The following RAB43 variants were observed in gnomAD, a reference collection of about 807,000 sequenced individuals.
RAB43 encodes the protein RAB43, member RAS oncogene family, also known as ras-related protein Rab-43.
RAB43 carries 6 observed loss-of-function variants against 18.8 expected under a neutral mutation model. That is an observed-to-expected ratio of 0.32 (90% confidence interval 0.17 to 0.63). The LOEUF is 0.63. RAB43 is among the 30% of genes least tolerant of loss of function. RAB43 has a pLI of 0.79. For missense variants in RAB43, 195 were observed against 289.1 expected, an observed-to-expected ratio of 0.67 and a Z score of 2.36; for synonymous variants, 103 against 124.1, an observed-to-expected ratio of 0.83 and a Z score of 1.13.
intron 1 of RAB43, among the ~76,000 whole-genome samples, chr3:129,118,317 T>A (rs1430765143): frequency 1.3e-5 from 2 of 152,182 alleles, no homozygotes; most frequent in African/African-American, 4.8e-5. Context: ...TAATGGGAAG[T>A]GGCTACAGAA....
intron 1 of RAB43, among the ~76,000 whole-genome samples, chr3:129,103,110 C>T (rs1307538758): frequency 6.6e-6 from 1 of 152,194 alleles, no homozygotes; most frequent in Non-Finnish European, 1.5e-5. Flanking sequence ...CGCTGGGACT[C>T]GGCCAAGGCA....
intron 1 of RAB43, among the ~76,000 whole-genome samples, chr3:129,113,283 A>G (rs949459442): frequency 2.6e-5 from 4 of 151,452 alleles, no homozygotes; most frequent in African/African-American, 9.7e-5. Flanking sequence ...CTCCTGCCTC[A>G]GCCTCCCGAG....
rs1576857071 is a variant in RAB43, at chr3:129,121,304, G to T, written c.186C>A (p.Ile62=). ...CTCCCACCTTGACCCGCTTGCCCTG[G>T]ATCTCCAGCGTCTTCATGGTGAAGT... ...GVDFTMKTLE[I]QGKRVKLQIW... is the part of the protein sequence containing the mutation. Residue 62 remains isoleucine (I), a synonymous_variant, in exon 1 of 3, where the codon ATC becomes ATA. Coordinates refer to ENST00000315150, the MANE Select transcript of RAB43 (RefSeq NM_198490.3). 6.2e-7 allele frequency: 1 copy of T among 1,607,772 alleles called. No individual in the cohort carries two copies. Among genetic ancestry groups the T allele is most frequent in the Non-Finnish European group, 8.5e-7 (1 of 1,177,432 alleles).
In RAB43 at chr3:129,121,688, GCCCGGCTCGGCCCCGCCCGGA is replaced by G. The variant is rs1935945013; in HGVS notation, c.-220_-200del. The G allele has an allele frequency of 2.8e-6, 1 of 359,068 alleles. No homozygotes were observed. The highest frequency in any genetic ancestry group is 4.9e-5 in the Admixed American group (1 of 20,404). 22.2% of individuals were successfully genotyped at this position (359,068 alleles called of 1,614,324 possible). ...CCCACCCCGGCTGGCTCCCGCCCCG[GCCCGGCTCGGCCCCGCCCGGA>G]CCCGGTGCCCCGCGGGTTCGGCTCC... On this transcript the variant is annotated 5_prime_UTR_variant, in exon 1 of 3. Coordinates refer to ENST00000315150, the MANE Select transcript of RAB43 (RefSeq NM_198490.3).
intron 2 of RAB43, among the ~76,000 whole-genome samples, chr3:129,094,463 C>A (rs1254194561): frequency 6.9e-6 from 1 of 144,684 alleles, no homozygotes; most frequent in Non-Finnish European, 1.5e-5. Context: ...AACTTCAGCT[C>A]TCTTTCTTCT....
rs1933624147 is a variant in RAB43, at chr3:129,091,194, T to C, written c.541A>G (p.Ile181Val). 9 of 1,582,052 alleles carry C rather than the reference T, an allele frequency of 5.7e-6. No individual in the cohort carries two copies. The highest frequency in any genetic ancestry group is 1.8e-5 in the Admixed American group (1 of 56,066). The change falls in exon 3 of 3, where the codon ATC (isoleucine) becomes GTC (valine). Residue 181 changes from isoleucine (I) to valine (V), a missense_variant. Physicochemically the swap from Ile to Val is conservative, Grantham distance 29. Transcript: ENST00000315150. ...AACAAGGGGCCCCCGTGCCGCATGA[T>C]GAGCTCCGTGGCCACCCTCAGGAAG... Reference protein sequence around the residue: ...EAFLRVATELIMRHGGPLFSE... With the variant: ...EAFLRVATELVMRHGGPLFSE...
chr3:129,091,436 C>A, intron 2 of RAB43, 90 bp from the exon 3 acceptor site: 1 of 1,455,364 alleles, frequency 6.9e-7, no homozygotes, highest in Non-Finnish European at 9.2e-7. Flanking sequence ...CCCCATGCCA[C>A]TCCCTTCCAC....
intron 1 of RAB43, among the ~76,000 whole-genome samples, chr3:129,101,141 G>C (rs1304902839): frequency 6.6e-6 from 1 of 152,186 alleles, no homozygotes; most frequent in African/African-American, 2.4e-5. Flanking sequence ...GGTGCTGTCA[G>C]AGTCAAATGA....
intron 2 of RAB43, chr3:129,092,439 A>G (rs1933722730): frequency 1.5e-6 from 1 of 660,572 alleles, no homozygotes; most frequent in Non-Finnish European, 2.7e-6. Context: ...TTGCTGAAGC[A>G]GGGTAATGGG....
chr3:129,111,375 C>T (rs549221087), intron 1 of RAB43, among the ~76,000 whole-genome samples: 14 of 151,882 alleles, frequency 9.2e-5, no homozygotes, highest in Non-Finnish European at 1.6e-4. Flanking sequence ...ATTAGCCGGG[C>T]GTAGTGGTGT....
In RAB43 at chr3:129,095,050, C is replaced by A. The variant is rs1340344701; in HGVS notation, c.324G>T (p.Ser108=). 6.2e-7 allele frequency: 1 copy of A among 1,613,726 alleles called. No homozygotes were observed. The highest frequency in any genetic ancestry group is 8.5e-7 in the Non-Finnish European group (1 of 1,179,830). ...TCACATCCTCAATCCAGTGAGGCAC[C>A]GACAGGAAGGAGCTCCTCTTGGTGA... ...YDITKRSSFL[S]VPHWIEDVRK... The change falls in exon 2 of 3, where the codon TCG becomes TCT. Residue 108 remains serine, a synonymous_variant. Coordinates refer to ENST00000315150, the MANE Select transcript of RAB43 (RefSeq NM_198490.3). This position sits in a 1 kb window ranked among gnomAD's most constrained non-coding sequence, Gnocchi z 4.2.
In RAB43 at chr3:129,087,664, T is replaced by C. The variant is rs914027609; in HGVS notation, c.*3432A>G. On this transcript the variant is annotated 3_prime_UTR_variant, in exon 3 of 3. Transcript: ENST00000315150. ...GGCAACTTTTCCATGTTTTAAAAAATAGATTTGGTATAAAGATTTATATAT... is the reference window on the plus strand; with the variant it reads ...GGCAACTTTTCCATGTTTTAAAAAACAGATTTGGTATAAAGATTTATATAT... The C allele has an allele frequency of 6.6e-6, 1 of 151,830 alleles. No individual in the cohort carries two copies. The highest frequency in any genetic ancestry group is 1.5e-5 in the Non-Finnish European group (1 of 67,960). The allele number at this position is 151,830 out of a possible 1,614,324, so 9.4% of individuals were successfully genotyped here.
At chr3:129,112,914 C>T (rs1935260764) in intron 1 of RAB43, among the ~76,000 whole-genome samples, 2 of 151,804 alleles carry the variant, frequency 1.3e-5, no homozygotes, top group South Asian at 4.1e-4. Flanking sequence ...CCACACCTGG[C>T]TAATTATTAA....
At position 129,121,589 on chromosome 3, in the gene RAB43, G is replaced by T. The variant is rs981103885; in HGVS notation, c.-100C>A. 2.8e-5 allele frequency: 28 copies of T among 1,008,292 alleles called. No homozygotes were observed. The highest frequency in any genetic ancestry group is 1.2e-4 in the African/African-American group (7 of 58,436). 62.5% of individuals were successfully genotyped at this position (1,008,292 alleles called of 1,614,324 possible). On this transcript the variant is annotated 5_prime_UTR_variant, in exon 1 of 3. Coordinates refer to ENST00000315150, the MANE Select transcript of RAB43 (RefSeq NM_198490.3). ...CTCCGCCCGCTCCAGCCCACGGGCC[G>T]CCTGGCTACGTGGAGCCGCCGCAAC...
At chr3:129,091,681 T>TAA (rs1320965331) in intron 2 of RAB43, among the ~76,000 whole-genome samples, 1 of 152,048 alleles carries the variant, frequency 6.6e-6, no homozygotes, top group Non-Finnish European at 1.5e-5. Context: ...AACAATCTGT[T>TAA]AAATTGCTCC....
At chr3:129,103,973 T>TTA (rs1934595183) in intron 1 of RAB43, among the ~76,000 whole-genome samples, 1 of 152,122 alleles carries the variant, frequency 6.6e-6, no homozygotes, top group Non-Finnish European at 1.5e-5. Flanking sequence ...CACACACACT[T>TTA]TTTAAAGGTT....
At chr3:129,097,045 AG>A (rs1443301608) in intron 1 of RAB43, among the ~76,000 whole-genome samples, 13 of 152,138 alleles carry the variant, frequency 8.5e-5, no homozygotes, top group Non-Finnish European at 1.3e-4. Flanking sequence ...CCTGGGAGGC[AG>A]AGGTTCCAGT....
At position 129,121,496 on chromosome 3, in the gene RAB43, G is replaced by T. The variant is rs567405079; in HGVS notation, c.-7C>A. ...CTGGGCCCGGCCCTGCCATGGCCTA[G>T]AAGAAGCCGAAGGGCCGGCGCTCTG... On this transcript the variant is annotated 5_prime_UTR_variant, in exon 1 of 3. Transcript: ENST00000315150. The T allele has an allele frequency of 1.9e-6, 3 of 1,601,006 alleles. No individual in the cohort carries two copies. The highest frequency in any genetic ancestry group is 2.7e-5 in the African/African-American group (2 of 74,732).
intron 1 of RAB43, among the ~76,000 whole-genome samples, chr3:129,108,913 A>G (rs191976997): frequency 6.6e-6 from 1 of 152,322 alleles, no homozygotes; most frequent in East Asian, 1.9e-4. Context: ...GAAGCCCACA[A>G]CATCCCCTAG....
Sources: allele counts gnomAD v4.1 joint callset (sites outside exome capture counted in the v4.1 genomes callset), GRCh38; gene constraint gnomAD v4.1.1; non-coding constraint Gnocchi (gnomAD v3.1); transcripts MANE v1.5; gene names NCBI Gene and HGNC (gene_info 2026-07-23, HGNC 2026-07-21).